The following TMTC3 variants were observed in gnomAD, a reference collection of about 807,000 sequenced individuals.
TMTC3 encodes the protein transmembrane O-mannosyltransferase targeting cadherins 3, also known as protein O-mannosyl-transferase TMTC3.
Under a neutral mutation model 92.2 loss-of-function variants are expected in TMTC3, and 52 were observed. The observed-to-expected ratio is 0.56, with a 90% confidence interval of 0.45 to 0.71. The LOEUF is 0.71. Among genes scored for constraint, TMTC3 ranks in the 30% least tolerant of loss-of-function variants. TMTC3 has a pLI of 0.00. For missense variants in TMTC3, 896 were observed against 1,057.1 expected (o/e 0.85, Z 2.11); for synonymous variants, 339 against 363.3 (o/e 0.93, Z 0.76).
chr12:88,143,309 G>A (rs2040799321), intron 1 of TMTC3, among the ~76,000 whole-genome samples: 1 of 152,138 alleles, frequency 6.6e-6, no homozygotes, highest in Admixed American at 6.5e-5. Flanking sequence ...CTGATTTTGT[G>A]AGATGAATTT....
chr12:88,169,407 T>C (rs548896120), intron 7 of TMTC3, among the ~76,000 whole-genome samples: 11 of 152,276 alleles, frequency 7.2e-5, no homozygotes, highest in Admixed American at 6.5e-4. Context: ...GTATGTAATG[T>C]AAGCTGAATT....
At position 88,176,310 on chromosome 12, in the gene TMTC3, G is replaced by A. The variant is rs758385804; in HGVS notation, c.1423G>A (p.Val475Ile). ...ALKYFLQATHVQPDDIGAHMN... is the reference protein window; with the variant it reads ...ALKYFLQATHIQPDDIGAHMN... Reference sequence around the variant, plus strand: ...GAAATACTTCTTACAGGCTACCCATGTTCAGCCAGGTAAGCATTATTAACT... The same window carrying A: ...GAAATACTTCTTACAGGCTACCCATATTCAGCCAGGTAAGCATTATTAACT... Residue 475 changes from valine to isoleucine, a missense_variant, in exon 10 of 14, where the codon GTT (valine) becomes ATT (isoleucine). By Grantham distance (29) the Val-to-Ile change is conservative. Coordinates refer to ENST00000266712, the MANE Select transcript of TMTC3 (RefSeq NM_181783.4). The A allele has an allele frequency of 1.2e-6, 2 of 1,605,028 alleles. No homozygotes were observed. The highest frequency in any genetic ancestry group is 1.1e-5 in the South Asian group (1 of 89,642).
rs2041490552 is a variant in TMTC3 at position 88,194,884 on chromosome 12, T to C, written c.1980T>C (p.Tyr660=). Residue 660 remains tyrosine, a synonymous_variant, in exon 14 of 14, where the codon TAT becomes TAC. Transcript: ENST00000266712. ...AAGCTAGAAAACGACTTCTAAGTTA[T>C]ATAAATGAAGAGCCACTAGATGCTA... is the stretch of plus-strand genomic sequence containing the variant. The part of the protein sequence containing the change: ...RPEARKRLLS[Y]INEEPLDANG... The C allele has an allele frequency of 6.2e-7, 1 of 1,612,080 alleles. No individual in the cohort carries two copies. The highest frequency in any genetic ancestry group is 2.2e-5 in the East Asian group (1 of 44,812).
chr12:88,159,592 A>G lies in TMTC3; in HGVS notation c.509-522A>G, dbSNP rs116760123. 5.9e-4 allele frequency among the ~76,000 whole-genome samples: 90 copies of G among 152,112 alleles called. 2 individuals are homozygous for G. Among genetic ancestry groups the G allele is most frequent in the African/African-American group, 2.0e-3 (81 of 41,506 alleles). On this transcript the variant is annotated intron_variant, in intron 4 of 13. Transcript: ENST00000266712. ...ATGGATTGCCTGAACTTCAGAATTC[A>G]AGGCAGTAGTGAGCTATGTTCACAC...
intron 10 of TMTC3, among the ~76,000 whole-genome samples, chr12:88,185,904 CTTA>C (rs1261073245): frequency 1.3e-5 from 2 of 151,930 alleles, no homozygotes; most frequent in Admixed American, 6.6e-5. Context: ...TTGATTGTGA[CTTA>C]TTATCTTTAT....
Position 88,172,581 on chromosome 12 carries a change from CT to C in TMTC3, c.1051-5del, listed in dbSNP as rs374120006. On this transcript the variant is annotated splice_polypyrimidine_tract_variant and intron_variant, in intron 7 of 13. Coordinates refer to ENST00000266712, the MANE Select transcript of TMTC3 (RefSeq NM_181783.4). Reference sequence around the variant, plus strand: ...AATTTATTATAAATTATTAAATCTTCTTTTTTTTTTTGTAGGCGCTTTGTTT... The same window carrying C: ...AATTTATTATAAATTATTAAATCTTCTTTTTTTTTTGTAGGCGCTTTGTTT... 77,334 of 925,198 alleles carry C rather than the reference CT, an allele frequency of 0.084. 444 individuals are homozygous for C. The highest frequency in any genetic ancestry group is 0.11 in the South Asian group (3,248 of 29,742). The allele number at this position is 925,198 out of a possible 1,614,324, so 57.3% of individuals were successfully genotyped here. A position where few individuals can be genotyped will look rare whatever the true frequency, so the allele number is the denominator to read the frequency against.
chr12:88,166,316 A>T lies in TMTC3; in HGVS notation c.798-14A>T, dbSNP rs1260418222. On this transcript the variant is annotated splice_polypyrimidine_tract_variant and intron_variant, in intron 6 of 13. Coordinates refer to ENST00000266712, the MANE Select transcript of TMTC3 (RefSeq NM_181783.4). ...AAGTTTTATTTGTAATCTTTTTTTT[A>T]ATCCTTTATACAGGTTTGATAACCC... The T allele has an allele frequency of 3.8e-6, 6 of 1,585,408 alleles. No homozygotes were observed. In the Admixed American group the frequency reaches 5.8e-5, roughly 15 times the overall value.
Position 88,160,120 on chromosome 12 carries a change from C to G in TMTC3, c.515C>G (p.Thr172Ser). ...SKGPDNSIIW[T>S]PIALTVFLVA... The stretch of plus-strand genomic sequence containing the variant: ...TTCTGTTCTCAAATTGCAGTATGGA[C>G]TCCAATTGCCTTGACAGTGTTTTTA... Residue 172 changes from threonine (T) to serine (S), a missense_variant, in exon 5 of 14, where the codon ACT becomes AGT. Coordinates refer to ENST00000266712, the MANE Select transcript of TMTC3 (RefSeq NM_181783.4). 2 of 1,572,068 alleles carry G rather than the reference C, an allele frequency of 1.3e-6. No individual in the cohort carries two copies. Among genetic ancestry groups the G allele is most frequent in the Non-Finnish European group, 1.7e-6 (2 of 1,164,530 alleles).
At chr12:88,186,406 A>T (rs2041378139) in intron 10 of TMTC3, among the ~76,000 whole-genome samples, 1 of 152,104 alleles carries the variant, frequency 6.6e-6, no homozygotes, top group Non-Finnish European at 1.5e-5. Context: ...GATATTAGAG[A>T]TGTGAGGAGA....
chr12:88,192,756 T>TTAATCG lies in TMTC3; in HGVS notation c.1861_1866dup (p.Asn621_Arg622dup). ...GAACCAAATGAAGCCCTAAAAAACT[T>TTAATCG]TAATCGTGCTCTGGAACTAAATCCA... On this transcript the variant is annotated inframe_insertion, in exon 13 of 14. Transcript: ENST00000266712. The TTAATCG allele has an allele frequency of 1.2e-6, 2 of 1,613,450 alleles. No homozygotes were observed. Among genetic ancestry groups the TTAATCG allele is most frequent in the Non-Finnish European group, 1.7e-6 (2 of 1,179,658 alleles).
intron 3 of TMTC3, 144 bp from the exon 4 acceptor site, chr12:88,154,144 A>C (rs1354333868): frequency 1.7e-6 from 1 of 576,696 alleles, no homozygotes; most frequent in Non-Finnish European, 3.0e-6. Context: ...TCACAAATTC[A>C]CCACCTGAGG....
chr12:88,163,670 C>T (rs550176698), intron 6 of TMTC3, among the ~76,000 whole-genome samples: 2 of 54,966 alleles, frequency 3.6e-5, no homozygotes, highest in Non-Finnish European at 9.2e-5. Flanking sequence ...ACTTTGTCTT[C>T]ACATTGCCTT....
intron 1 of TMTC3, among the ~76,000 whole-genome samples, chr12:88,146,877 CAT>C (rs913122322): frequency 5.3e-5 from 8 of 149,940 alleles, no homozygotes; most frequent in Non-Finnish European, 7.4e-5. Context: ...CCAGAAACTA[CAT>C]AGTCAGTAGT....
At chr12:88,180,778 C>A (rs1353165977) in intron 10 of TMTC3, among the ~76,000 whole-genome samples, 10 of 152,104 alleles carry the variant, frequency 6.6e-5, no homozygotes, top group Non-Finnish European at 1.3e-4. Flanking sequence ...TGAACACAAG[C>A]ATATTCTCTT....
At chr12:88,192,014 C>CTT (rs375857927) in intron 12 of TMTC3, among the ~76,000 whole-genome samples, 18 of 112,242 alleles carry the variant, frequency 1.6e-4, no homozygotes, top group South Asian at 5.4e-4. Context: ...CAGCATTTTT[C>CTT]TTTTTTTTTT....
In TMTC3 at chr12:88,199,070, G is replaced by A. The variant is rs2138459100; in HGVS notation, c.*3421G>A. On this transcript the variant is annotated 3_prime_UTR_variant, in exon 14 of 14. Coordinates refer to ENST00000266712, the MANE Select transcript of TMTC3 (RefSeq NM_181783.4). ...TTTAGTGTTAAAAAAATACAACATTGTATATAGAGATTTCTTTTATGAAGA... is the reference window on the plus strand; with the variant it reads ...TTTAGTGTTAAAAAAATACAACATTATATATAGAGATTTCTTTTATGAAGA... 1 of 110,196 alleles carries A rather than the reference G, an allele frequency of 9.1e-6. No homozygotes were observed. The highest frequency in any genetic ancestry group is 2.9e-4 in the East Asian group (1 of 3,402). The allele number at this position is 110,196 out of a possible 1,614,324, so 6.8% of individuals were successfully genotyped here.
rs991065548 is a variant in TMTC3, at chr12:88,183,658, A to G, written c.1433-5185A>G. On this transcript the variant is annotated intron_variant, in intron 10 of 13. Coordinates refer to ENST00000266712, the MANE Select transcript of TMTC3 (RefSeq NM_181783.4). ...CAAAGCAGCCCTAACTAAGGGCCAT[A>G]ACATTAGAGATGCTACTGGGACCTG... 3.3e-5 allele frequency among the ~76,000 whole-genome samples: 5 copies of G among 152,086 alleles called. No individual in the cohort carries two copies. In the East Asian group the frequency reaches 9.7e-4, roughly 29 times the overall value.
At chr12:88,190,980 G>A (rs2041435844) in intron 12 of TMTC3, among the ~76,000 whole-genome samples, 1 of 151,880 alleles carries the variant, frequency 6.6e-6, no homozygotes, top group African/African-American at 2.4e-5. Context: ...AAACTCTCAG[G>A]AACTTTCTTG....
At chr12:88,173,761 T>C (rs189028704) in intron 8 of TMTC3, among the ~76,000 whole-genome samples, 16 of 152,242 alleles carry the variant, frequency 1.1e-4, no homozygotes, top group Admixed American at 9.8e-4. Context: ...AGGGCCATGA[T>C]AGACACTTTA....
Sources: allele counts gnomAD v4.1 joint callset (sites outside exome capture counted in the v4.1 genomes callset), GRCh38; gene constraint gnomAD v4.1.1; transcripts MANE v1.5; gene names NCBI Gene and HGNC (gene_info 2026-07-23, HGNC 2026-07-21).